AKR1B15: variants seen among roughly 807,000 people sequenced by gnomAD.
The protein encoded by AKR1B15 is aldo-keto reductase family 1 member B15, also known as estradiol 17-beta-dehydrogenase AKR1B15.
In AKR1B15, 49 loss-of-function variants were observed where a neutral mutation model predicts 38.5. The observed-to-expected ratio is 1.27, with a 90% CI of 1.01 to 1.62. AKR1B15 has a LOEUF of 1.62. Among genes scored for constraint, AKR1B15 ranks in the 40% most tolerant of loss-of-function variants. The pLI is 0.00. For missense variants in AKR1B15, 411 were observed against 381.6 expected, an observed-to-expected ratio of 1.08 and a Z score of -0.64; for synonymous variants, 137 against 135.5, an observed-to-expected ratio of 1.01 and a Z score of -0.08.
At position 134,575,861 on chromosome 7, in the gene AKR1B15, A is replaced by C; in HGVS notation, c.677A>C (p.Gln226Pro). ...TACCTCACGCAGGAGAAACTGATCC[A>C]GTACTGCCACTCCAAGGGCATCACC... ...HPYLTQEKLI[Q>P]YCHSKGITVT... Residue 226 changes from glutamine (Q) to proline (P), a missense_variant, in exon 8 of 12, where the codon CAG becomes CCG. By Grantham distance (76) the Gln-to-Pro change is moderately conservative. Coordinates refer to ENST00000457545, the MANE Select transcript of AKR1B15 (RefSeq NM_001080538.3). The C allele has an allele frequency of 6.2e-7, 1 of 1,613,870 alleles. No homozygotes were observed. The highest frequency in any genetic ancestry group is 2.2e-5 in the East Asian group (1 of 44,842).
intron 5 of AKR1B15, among the ~76,000 whole-genome samples, chr7:134,571,398 G>C (rs1794664063): frequency 6.6e-6 from 1 of 152,188 alleles, no homozygotes; most frequent in Non-Finnish European, 1.5e-5. Flanking sequence ...AGTCAATCCA[G>C]TAGTTTCTAA....
chr7:134,573,468 T>G (rs1456285719), intron 6 of AKR1B15: 5 of 985,278 alleles, frequency 5.1e-6, no homozygotes, highest in Non-Finnish European at 6.0e-6. Context: ...AAGAAAACAT[T>G]TGAAAGGCAT....
chr7:134,550,182 CACTGTGCAGAGAA>C (rs1404821738), intron 1 of AKR1B15, among the ~76,000 whole-genome samples: 1 of 152,150 alleles, frequency 6.6e-6, no homozygotes, highest in Non-Finnish European at 1.5e-5. Flanking sequence ...TTAAATAAGG[CACTGTGCAGAGAA>C]ACCTACACCC....
rs1317257827 is a variant in AKR1B15, at chr7:134,576,955, C to T, written c.826-8C>T. 2 of 1,612,154 alleles carry T rather than the reference C, an allele frequency of 1.2e-6. No individual in the cohort carries two copies. Among genetic ancestry groups the T allele is most frequent in the South Asian group, 1.1e-5 (1 of 91,018 alleles). ...TGAGTGGAAACATGATGTCCCCTTTCTGCACAGGTTCTGATCCGTTTCCAT... is the reference window on the plus strand; with the variant it reads ...TGAGTGGAAACATGATGTCCCCTTTTTGCACAGGTTCTGATCCGTTTCCAT... On this transcript the variant is annotated splice_polypyrimidine_tract_variant and splice_region_variant and intron_variant, in intron 9 of 11. Transcript: ENST00000457545.
chr7:134,571,498 G>A, intron 5 of AKR1B15, 106 bp from the exon 6 acceptor site: 1 of 809,918 alleles, frequency 1.2e-6, no homozygotes, highest in Non-Finnish European at 2.2e-6. Flanking sequence ...TGAAAAAGTG[G>A]TATGCAGATG....
chr7:134,550,619 C>G (rs1361250318), intron 1 of AKR1B15, among the ~76,000 whole-genome samples: 1 of 152,160 alleles, frequency 6.6e-6, no homozygotes, highest in African/African-American at 2.4e-5. Context: ...TACTTCTGTT[C>G]TTCTGATACC....
At chr7:134,551,863 A>G (rs1033909230) in intron 1 of AKR1B15, among the ~76,000 whole-genome samples, 4 of 152,184 alleles carry the variant, frequency 2.6e-5, no homozygotes, top group East Asian at 1.9e-4. Flanking sequence ...CCAGAAAAGA[A>G]AAAGGTCCTC....
At chr7:134,569,153 C>G (rs1794609331) in intron 4 of AKR1B15, among the ~76,000 whole-genome samples, 1 of 152,126 alleles carries the variant, frequency 6.6e-6, no homozygotes, top group South Asian at 2.1e-4. Flanking sequence ...AAATCTGTGG[C>G]CACATTTACT....
chr7:134,554,800 C>T (rs985887991), intron 1 of AKR1B15, among the ~76,000 whole-genome samples: 52 of 152,204 alleles, frequency 3.4e-4, no homozygotes, highest in African/African-American at 1.2e-3. Context: ...TCAATGAAAT[C>T]ATCCCTCAAC....
At position 134,562,701 on chromosome 7, in the gene AKR1B15, C is replaced by T. The variant is rs114989811; in HGVS notation, c.-22-1897C>T. Among the ~76,000 whole-genome samples, 1,474 of 152,226 alleles carry T rather than the reference C, an allele frequency of 9.7e-3. 17 individuals are homozygous for T. Among genetic ancestry groups the T allele is most frequent in the African/African-American group, 0.034 (1,403 of 41,524 alleles). On this transcript the variant is annotated intron_variant, in intron 2 of 11. Coordinates refer to ENST00000457545, the MANE Select transcript of AKR1B15 (RefSeq NM_001080538.3). ...CCCAACCCAGAAGTCCAGCTGGCTA[C>T]ACCTCTCACCACCACACCTACCTAA...
At chr7:134,571,930 A>AT (rs1374446880) in intron 6 of AKR1B15, among the ~76,000 whole-genome samples, 1 of 152,184 alleles carries the variant, frequency 6.6e-6, no homozygotes, top group East Asian at 1.9e-4. Context: ...GGGAATACAC[A>AT]TGCTGTTCTC....
intron 2 of AKR1B15, among the ~76,000 whole-genome samples, chr7:134,562,334 G>C (rs1170541487): frequency 1.3e-5 from 2 of 152,164 alleles, no homozygotes; most frequent in Admixed American, 6.5e-5. Flanking sequence ...GGTTGCCTAA[G>C]CGTTGCTGCT....
chr7:134,577,000 T>TG lies in AKR1B15; in HGVS notation c.864dup (p.Ile289AspfsTer12), dbSNP rs1794779812. ...TTCCATATCCAGAGGAATGTGACAGTGATCCCCAAGTCTATGACACCAGCA... is the reference window on the plus strand; with the variant it reads ...TTCCATATCCAGAGGAATGTGACAGTGGATCCCCAAGTCTATGACACCAGCA... On this transcript the variant is annotated frameshift_variant, in exon 10 of 12. Coordinates refer to ENST00000457545, the MANE Select transcript of AKR1B15 (RefSeq NM_001080538.3). LOFTEE classifies it high-confidence loss of function. The TG allele has an allele frequency of 1.2e-6, 2 of 1,613,900 alleles. No individual in the cohort carries two copies. Among genetic ancestry groups the TG allele is most frequent in the African/African-American group, 2.7e-5 (2 of 74,934 alleles).
intron 5 of AKR1B15, 103 bp from the exon 6 acceptor site, chr7:134,571,501 T>G: frequency 1.2e-6 from 1 of 838,772 alleles, no homozygotes; most frequent in Non-Finnish European, 2.1e-6. Flanking sequence ...AAAAGTGGTA[T>G]GCAGATGTGG....
chr7:134,554,865 T>C (rs1273157291), intron 1 of AKR1B15, among the ~76,000 whole-genome samples: 1 of 152,218 alleles, frequency 6.6e-6, no homozygotes, highest in Non-Finnish European at 1.5e-5. Context: ...ACCTCGTCCA[T>C]AGCTCAGTCG....
Position 134,571,629 on chromosome 7 carries a change from A to C in AKR1B15, c.461A>C (p.Asp154Ala). 6.2e-7 allele frequency: 1 copy of C among 1,613,474 alleles called. No individual in the cohort carries two copies. The highest frequency in any genetic ancestry group is 8.5e-7 in the Non-Finnish European group (1 of 1,179,756). The change falls in exon 6 of 12, where the codon GAT becomes GCT. Residue 154 changes from aspartate to alanine, a missense_variant. Physicochemically the swap from Asp to Ala is moderately radical, Grantham distance 126 (BLOSUM62 -2). Transcript: ENST00000457545. The stretch of plus-strand genomic sequence containing the variant: ...ACTGGGGATGACTTTTTCCCCAAAG[A>C]TGATAAAGGTAATATGATCAGTGGA... ...FKTGDDFFPK[D>A]DKGNMISGKG...
rs1794779247 is a variant in AKR1B15, at chr7:134,576,987, A to G, written c.850A>G (p.Arg284Gly). The G allele has an allele frequency of 6.2e-7, 1 of 1,613,962 alleles. No homozygotes were observed. The highest frequency in any genetic ancestry group is 8.5e-7 in the Non-Finnish European group (1 of 1,179,850). ...GGTTCTGATCCGTTTCCATATCCAG[A>G]GGAATGTGACAGTGATCCCCAAGTC... Reference protein sequence around the residue: ...AQVLIRFHIQRNVTVIPKSMT... With the variant: ...AQVLIRFHIQGNVTVIPKSMT... Residue 284 changes from arginine (R) to glycine (G), a missense_variant, in exon 10 of 12, where the codon AGG (arginine) becomes GGG (glycine). By Grantham distance (125) the Arg-to-Gly change is moderately radical. Transcript: ENST00000457545.
intron 1 of AKR1B15, among the ~76,000 whole-genome samples, chr7:134,555,103 G>C (rs537886084): frequency 2.6e-5 from 4 of 152,134 alleles, no homozygotes; most frequent in African/African-American, 9.7e-5. Context: ...GAAGGGCTCC[G>C]CCTATCTTGC....
At chr7:134,560,892 T>C (rs1266218705) in intron 2 of AKR1B15, among the ~76,000 whole-genome samples, 3 of 152,214 alleles carry the variant, frequency 2.0e-5, no homozygotes, top group Admixed American at 6.5e-5. Flanking sequence ...ACTTTCGTGA[T>C]TGATCTTTGG....
Sources: allele counts gnomAD v4.1 joint callset (sites outside exome capture counted in the v4.1 genomes callset), GRCh38; gene constraint gnomAD v4.1.1; transcripts MANE v1.5; gene names NCBI Gene and HGNC (gene_info 2026-07-23, HGNC 2026-07-21).